The following ARHGEF28 variants were observed in gnomAD, a reference collection of about 807,000 sequenced individuals.
ARHGEF28 encodes 190 kDa guanine nucleotide exchange factor.
Under a neutral mutation model 206.6 loss-of-function variants are expected in ARHGEF28, and 152 were observed. The observed-to-expected ratio is 0.74, with a 90% CI of 0.64 to 0.84. The LOEUF is 0.84. Among genes scored for constraint, ARHGEF28 ranks in the 40% least tolerant of loss-of-function variants. The pLI, the probability that ARHGEF28 is intolerant of heterozygous loss-of-function variation, is 0.00. For missense variants in ARHGEF28, 2,028 were observed against 2,073.2 expected, an observed-to-expected ratio of 0.98 and a Z score of 0.42; for synonymous variants, 763 against 776.4, an observed-to-expected ratio of 0.98 and a Z score of 0.29.
chr5:73,720,985 A>G (rs16870743), intron 2 of ARHGEF28, among the ~76,000 whole-genome samples: 54,365 of 152,152 alleles, frequency 0.36, 11,510 homozygotes, highest in African/African-American at 0.59. Flanking sequence ...TAGCAAAAGA[A>G]GTTCAAGCTC....
chr5:73,863,664 A>G (rs889927379), intron 16 of ARHGEF28, among the ~76,000 whole-genome samples: 4 of 151,402 alleles, frequency 2.6e-5, no homozygotes, highest in East Asian at 1.9e-4. Flanking sequence ...ATTTTCAAGT[A>G]TCTAAAGTTT....
chr5:73,659,983 C>T (rs1018423760), intron 1 of ARHGEF28, among the ~76,000 whole-genome samples: 2 of 151,838 alleles, frequency 1.3e-5, no homozygotes, highest in African/African-American at 4.8e-5. Context: ...GTTGGGGTGG[C>T]TCTTTAAAAT....
intron 2 of ARHGEF28, among the ~76,000 whole-genome samples, chr5:73,695,307 T>C (rs1262673725): frequency 6.6e-6 from 1 of 152,194 alleles, no homozygotes; most frequent in African/African-American, 2.4e-5. Context: ...TTGTCTATTG[T>C]GCTTTCCTCT....
intron 12 of ARHGEF28, among the ~76,000 whole-genome samples, chr5:73,847,036 T>G (rs1207156334): frequency 1.3e-5 from 2 of 152,160 alleles, no homozygotes; most frequent in Non-Finnish European, 2.9e-5. Flanking sequence ...TTTTTGTTAT[T>G]TATTTACTTA....
intron 16 of ARHGEF28, among the ~76,000 whole-genome samples, chr5:73,862,553 T>C (rs1759460276): frequency 6.6e-6 from 1 of 152,214 alleles, no homozygotes; most frequent in Admixed American, 6.5e-5. Context: ...TGTTGTTTGC[T>C]TTTGTCTTCT....
rs1242285310 is a variant in ARHGEF28, at chr5:73,891,691, A to AT, written c.3388-356dup. Among the ~76,000 whole-genome samples the AT allele has an allele frequency of 8.6e-5, 13 of 152,008 alleles. No individual in the cohort carries two copies. The East Asian group carries it at 2.3e-3, about 27-fold the overall frequency. On this transcript the variant is annotated intron_variant, in intron 26 of 35. Transcript: ENST00000513042. ...AGGCGCACACCAGCACATCTGGCTA[A>AT]TTTTTGTGTTTTTAGTATAGATGGG...
chr5:73,777,103 G>A (rs1418170480), intron 6 of ARHGEF28, among the ~76,000 whole-genome samples: 1 of 152,096 alleles, frequency 6.6e-6, no homozygotes, highest in African/African-American at 2.4e-5. Context: ...ACAGAATCCA[G>A]TACAGATTCT....
intron 11 of ARHGEF28, among the ~76,000 whole-genome samples, chr5:73,841,767 T>A (rs1408822704): frequency 2.0e-5 from 3 of 147,126 alleles, no homozygotes; most frequent in Non-Finnish European, 4.5e-5. Context: ...GGGGAAAAAA[T>A]TCCTAAATTC....
intron 7 of ARHGEF28, among the ~76,000 whole-genome samples, chr5:73,783,280 A>G (rs1302234365): frequency 6.6e-6 from 1 of 152,054 alleles, no homozygotes; most frequent in Non-Finnish European, 1.5e-5. Flanking sequence ...TCTACATGCA[A>G]TACAAAGTCC....
intron 12 of ARHGEF28, among the ~76,000 whole-genome samples, 173 bp from the exon 13 acceptor site, chr5:73,848,803 A>G (rs1038215462): frequency 2.0e-5 from 3 of 152,160 alleles, no homozygotes; most frequent in African/African-American, 7.2e-5. Flanking sequence ...TTAAAATGGC[A>G]ATAACATTTT....
chr5:73,872,875 T>A, intron 21 of ARHGEF28, 124 bp from the exon 22 acceptor site: 1 of 1,108,026 alleles, frequency 9.0e-7, no homozygotes, highest in Non-Finnish European at 1.3e-6. Context: ...TGGAATATTC[T>A]TGATATTCCT....
rs1308306986 is a variant in ARHGEF28 at position 73,883,829 on chromosome 5, T to C, written c.3000T>C (p.Thr1000=). The stretch of plus-strand genomic sequence containing the variant: ...TTCCAGAATGCATTCTGTTGGTCAC[T>C]CAGCGTATTACAAAATACCCTGTCT... ...RGIPECILLV[T]QRITKYPVLV... Residue 1000 remains threonine (T), a synonymous_variant, in exon 24 of 36, where the codon ACT becomes ACC. Coordinates refer to ENST00000513042, the MANE Select transcript of ARHGEF28 (RefSeq NM_001177693.2). 6.3e-7 allele frequency: 1 copy of C among 1,580,626 alleles called. No homozygotes were observed. The highest frequency in any genetic ancestry group is 1.2e-5 in the South Asian group (1 of 84,950).
At chr5:73,687,813 A>G (rs936634764) in intron 2 of ARHGEF28, among the ~76,000 whole-genome samples, 3 of 152,120 alleles carry the variant, frequency 2.0e-5, no homozygotes, top group African/African-American at 7.2e-5. Flanking sequence ...CCCATGGTGA[A>G]TGATAAGCTC....
At chr5:73,827,250 A>G (rs1405111112) in intron 9 of ARHGEF28, among the ~76,000 whole-genome samples, 1 of 152,188 alleles carries the variant, frequency 6.6e-6, no homozygotes, top group Non-Finnish European at 1.5e-5. Flanking sequence ...AAGTCACAAC[A>G]TTTTAAATGT....
At chr5:73,750,131 T>C in intron 3 of ARHGEF28, 147 bp downstream of exon 3, 1 of 856,342 alleles carries the variant, frequency 1.2e-6, no homozygotes, top group Non-Finnish European at 1.8e-6. Flanking sequence ...TGTATGTGTA[T>C]ATTAGGAAGA....
intron 35 of ARHGEF28, among the ~76,000 whole-genome samples, chr5:73,922,907 G>A (rs1580108779): frequency 6.6e-6 from 1 of 152,124 alleles, no homozygotes; most frequent in Non-Finnish European, 1.5e-5. Flanking sequence ...AGCACATCCT[G>A]TATTTTTAGA....
intron 33 of ARHGEF28, 130 bp from the exon 34 acceptor site, chr5:73,909,282 A>C (rs1032144288): frequency 7.2e-6 from 10 of 1,386,866 alleles, no homozygotes; most frequent in Non-Finnish European, 9.6e-6. Flanking sequence ...TAACTTAGAA[A>C]AAGGCCAGAA....
intron 7 of ARHGEF28, among the ~76,000 whole-genome samples, chr5:73,792,162 A>G (rs900906977): frequency 5.4e-4 from 82 of 152,336 alleles, no homozygotes; most frequent in African/African-American, 1.8e-3. Context: ...ATTTTTGGAT[A>G]AAGACTTTCT....
intron 2 of ARHGEF28, among the ~76,000 whole-genome samples, chr5:73,716,546 C>T (rs575228830): frequency 7.2e-5 from 11 of 152,138 alleles, no homozygotes; most frequent in Admixed American, 2.6e-4. Context: ...GCCCTAGGAG[C>T]GTCCTCATTG....
Sources: gnomAD v4.1 joint callset for allele counts (sites outside exome capture counted in the v4.1 genomes callset) on GRCh38, gnomAD v4.1.1 for gene constraint, MANE v1.5 for transcripts, NCBI Gene and HGNC (gene_info 2026-07-23, HGNC 2026-07-21) for gene names.